The following ITPR1 variants were observed in gnomAD, a reference collection of about 807,000 sequenced individuals.
ITPR1 encodes the protein inositol 1,4,5-trisphosphate receptor type 1, also known as inositol 1,4,5-trisphosphate-gated calcium channel ITPR1.
Under a neutral mutation model 318.4 loss-of-function variants are expected in ITPR1, and 96 were observed. The ratio of observed to expected loss-of-function variants is 0.30; its 90% CI spans 0.26 to 0.36. The LOEUF (loss-of-function observed/expected upper bound fraction) is 0.36. Among genes scored for constraint, ITPR1 ranks in the 10% least tolerant of loss-of-function variants. The pLI, the probability that ITPR1 is intolerant of heterozygous loss-of-function variation, is 1.00. For synonymous variants in ITPR1, 1,312 were observed against 1,289.9 expected, an observed-to-expected ratio of 1.02 and a Z score of -0.37; for missense variants, 2,440 against 3,460.2, an observed-to-expected ratio of 0.71 and a Z score of 7.40.
intron 44 of ITPR1, among the ~76,000 whole-genome samples, chr3:4,756,352 GAGGGTACATGTGA>G (rs919700661): frequency 6.6e-6 from 1 of 152,146 alleles, no homozygotes; most frequent in Non-Finnish European, 1.5e-5. Context: ...CTTTAGGTTT[GAGGGTACATGTGA>G]AGGTGTGTTA....
chr3:4,608,320 G>A lies in ITPR1; in HGVS notation c.164-19443G>A, dbSNP rs191443562. 7.9e-5 allele frequency among the ~76,000 whole-genome samples: 12 copies of A among 152,234 alleles called. No homozygotes were observed. In the South Asian group the frequency reaches 8.3e-4, roughly 11 times the overall value. On this transcript the variant is annotated intron_variant, in intron 4 of 61. Transcript: ENST00000649015. ...AGAATCACAGCCCTACAGGATTTGA[G>A]GCAGAGGTGTCAAGTGTAGAATTCC...
At chr3:4,718,851 C>G (rs889260904) in intron 40 of ITPR1, among the ~76,000 whole-genome samples, 1 of 152,168 alleles carries the variant, frequency 6.6e-6, no homozygotes, top group African/African-American at 2.4e-5. Context: ...CCAGAAAAAT[C>G]ACTTCTATGC....
At chr3:4,841,684 A>G (rs988141660) in intron 61 of ITPR1, among the ~76,000 whole-genome samples, 7 of 152,222 alleles carry the variant, frequency 4.6e-5, no homozygotes, top group Non-Finnish European at 8.8e-5. Context: ...GTTCAATCTG[A>G]TCTTCGGGAG....
In ITPR1 at chr3:4,770,420, T is replaced by C. The variant is rs565636385; in HGVS notation, c.5979+1656T>C. 3.3e-5 allele frequency among the ~76,000 whole-genome samples: 5 copies of C among 152,294 alleles called. No homozygotes were observed. In the East Asian group the frequency reaches 9.6e-4, roughly 29 times the overall value. ...GAATTTTCAATCAGATTGAAGAACC[T>C]CAACTTTGAAAAAGCATCTGAGATC... On this transcript the variant is annotated intron_variant, in intron 46 of 61. Transcript: ENST00000649015.
At chr3:4,818,572 C>T (rs139681454) in intron 60 of ITPR1, among the ~76,000 whole-genome samples, 1 of 152,280 alleles carries the variant, frequency 6.6e-6, no homozygotes, top group East Asian at 1.9e-4. Context: ...GAATCTGCCT[C>T]TTTTCTTGAT....
chr3:4,791,225 C>G (rs983488064), intron 52 of ITPR1, among the ~76,000 whole-genome samples: 4 of 152,166 alleles, frequency 2.6e-5, no homozygotes, highest in African/African-American at 9.7e-5. Context: ...TATAATGTAG[C>G]AGGTATATTG....
intron 4 of ITPR1, among the ~76,000 whole-genome samples, chr3:4,571,419 T>G (rs1042470204): frequency 6.6e-6 from 1 of 152,094 alleles, no homozygotes; most frequent in Non-Finnish European, 1.5e-5. Context: ...CAGCTAACTG[T>G]AGCCTTGACC....
At chr3:4,767,845 G>C (rs1388434647) in intron 45 of ITPR1, among the ~76,000 whole-genome samples, 1 of 152,154 alleles carries the variant, frequency 6.6e-6, no homozygotes, top group Non-Finnish European at 1.5e-5. Flanking sequence ...CCTCATTTCA[G>C]ACTCATGTCA....
At chr3:4,709,476 G>T (rs9877680) in intron 37 of ITPR1, among the ~76,000 whole-genome samples, 42,371 of 152,208 alleles carry the variant, frequency 0.28, 6,964 homozygotes, top group Non-Finnish European at 0.38. Flanking sequence ...ATGTCCTTGG[G>T]TAACCAGGCC....
chr3:4,657,977 A>G, intron 12 of ITPR1, 147 bp from the exon 13 acceptor site: 1 of 656,680 alleles, frequency 1.5e-6, no homozygotes, highest in Non-Finnish European at 2.6e-6. Context: ...GTCATCTTTT[A>G]GGACTGCTCT....
intron 4 of ITPR1, among the ~76,000 whole-genome samples, chr3:4,578,954 A>G (rs1339783969): frequency 6.6e-6 from 1 of 152,144 alleles, no homozygotes; most frequent in African/African-American, 2.4e-5. Flanking sequence ...TGTCGTTCTG[A>G]GGCTTCCAAA....
chr3:4,537,873 A>G (rs1382681863), intron 4 of ITPR1, among the ~76,000 whole-genome samples: 1 of 152,248 alleles, frequency 6.6e-6, no homozygotes, highest in African/African-American at 2.4e-5. Flanking sequence ...GTAAGAATAC[A>G]GTAGTAATTG....
rs1559456975 is a variant in ITPR1, at chr3:4,565,291, GAAT to G, written c.163+44199_163+44201del. 2.9e-4 allele frequency among the ~76,000 whole-genome samples: 44 copies of G among 152,292 alleles called. 1 individual carries two copies. Among genetic ancestry groups the G allele is most frequent in the African/African-American group, 1.0e-3 (43 of 41,556 alleles). On this transcript the variant is annotated intron_variant, in intron 4 of 61. Transcript: ENST00000649015. The stretch of plus-strand genomic sequence containing the variant: ...ATTTTTCTTACTGCTAGAGTTGATA[GAAT>G]AGTCACAGCCACTAGCACTGGAGCC...
chr3:4,546,732 A>G (rs1253759867), intron 4 of ITPR1, among the ~76,000 whole-genome samples: 1 of 150,636 alleles, frequency 6.6e-6, no homozygotes. Flanking sequence ...ATTCAGTGAC[A>G]TAAACCAAGC....
chr3:4,526,935 A>G (rs2083028011), intron 4 of ITPR1, among the ~76,000 whole-genome samples: 1 of 152,258 alleles, frequency 6.6e-6, no homozygotes, highest in Admixed American at 6.5e-5. Flanking sequence ...ATTTATATAT[A>G]AGTAGAAGCA....
chr3:4,723,853 A>G (rs1013460604), intron 40 of ITPR1, among the ~76,000 whole-genome samples: 3 of 152,032 alleles, frequency 2.0e-5, no homozygotes, highest in East Asian at 1.9e-4. Flanking sequence ...ACTTCTGTCT[A>G]TATCTCTGTC....
intron 4 of ITPR1, among the ~76,000 whole-genome samples, chr3:4,528,538 G>C (rs1481704878): frequency 4.6e-5 from 7 of 152,166 alleles, no homozygotes; most frequent in African/African-American, 1.4e-4. Flanking sequence ...TTTTGGCAAG[G>C]CATCGAAGGA....
Position 4,683,774 on chromosome 3 carries a change from A to G in ITPR1, c.3474A>G (p.Gly1158=). 6.2e-7 allele frequency: 1 copy of G among 1,613,942 alleles called. No homozygotes were observed. The highest frequency in any genetic ancestry group is 1.1e-5 in the South Asian group (1 of 91,058). Residue 1158 remains glycine, a synonymous_variant, in exon 28 of 62, where the codon GGA becomes GGG. Coordinates refer to ENST00000649015, the MANE Select transcript of ITPR1 (RefSeq NM_001378452.1). ...GPDETMDGAS[G]ENEHKKTEEG... ...ATGAGACTATGGATGGTGCATCTGG[A>G]GAAAATGAACATAAGAAAACGGAGG...
At chr3:4,748,880 T>C (rs1194798350) in intron 44 of ITPR1, among the ~76,000 whole-genome samples, 1 of 152,238 alleles carries the variant, frequency 6.6e-6, no homozygotes, top group Non-Finnish European at 1.5e-5. Context: ...ATTGCTGCAC[T>C]GGGACGCGAA....
Sources: gnomAD v4.1 joint callset for allele counts (sites outside exome capture counted in the v4.1 genomes callset) on GRCh38, gnomAD v4.1.1 for gene constraint, MANE v1.5 for transcripts, NCBI Gene and HGNC (gene_info 2026-07-23, HGNC 2026-07-21) for gene names.